RTN4: variants seen among roughly 807,000 people sequenced by gnomAD.
The protein encoded by RTN4 is reticulon 4, also known as reticulon-4.
A neutral mutation model predicts 90.4 loss-of-function variants in RTN4; 32 were observed. The ratio of observed to expected loss-of-function variants is 0.35; its 90% CI spans 0.27 to 0.48. RTN4 has a LOEUF of 0.48. Ranked by LOEUF, RTN4 falls within the 20% of genes least tolerant of loss-of-function variation. The probability of loss-of-function intolerance (pLI) is 0.99; values close to 1 mark genes in which losing one functional copy is unlikely to be tolerated. For synonymous variants in RTN4, 629 were observed against 552.5 expected (o/e 1.14, Z -1.94); for missense variants, 1,706 against 1,430.2 (o/e 1.19, Z -3.11).
intron 1 of RTN4, among the ~76,000 whole-genome samples, chr2:55,046,299 A>T (rs1283200641): frequency 6.6e-6 from 1 of 152,176 alleles, no homozygotes; most frequent in Non-Finnish European, 1.5e-5. Context: ...TTTTTTTAAA[A>T]AGCTAAACAT....
At chr2:55,125,498 G>A in the RTN4 span, among the ~76,000 whole-genome samples, 3 of 152,230 alleles carry the variant, frequency 2.0e-5, no homozygotes, top group African/African-American at 7.2e-5. Context: ...GGGTGCGGTG[G>A]CTCACGCCCA....
chr2:55,025,834 G>A lies in RTN4; in HGVS notation c.2265C>T (p.Asp755=), dbSNP rs199526754. The change falls in exon 3 of 9, where the codon GAC becomes GAT. Residue 755 remains aspartate (D), a synonymous_variant. Coordinates refer to ENST00000337526, the MANE Select transcript of RTN4 (RefSeq NM_020532.5). The part of the protein sequence containing the change: ...VDLFSDDSIP[D]VPQKQDETVM... ...CAGTTTCATCTTGTTTTTGTGGAAC[G>A]TCAGGTATTGAATCATCACTAAATA... 58 of 1,613,466 alleles carry A rather than the reference G, an allele frequency of 3.6e-5. No homozygotes were observed. The highest frequency in any genetic ancestry group is 2.0e-4 in the Admixed American group (12 of 59,904).
intron 1 of RTN4, among the ~76,000 whole-genome samples, chr2:55,040,227 T>C (rs1036286209): frequency 1.3e-5 from 2 of 152,208 alleles, no homozygotes; most frequent in African/African-American, 4.8e-5. Context: ...AAAATTTGGT[T>C]TTTATACAAA....
chr2:55,052,974 A>G (rs1558859145), upstream of RTN4, among the ~76,000 whole-genome samples: 1 of 152,220 alleles, frequency 6.6e-6, no homozygotes, highest in Non-Finnish European at 1.5e-5. Context: ...TACTACTAAA[A>G]TAGTCTCAAA....
intron 8 of RTN4, 63 bp from the exon 9 acceptor site, chr2:54,973,261 C>T: frequency 1.5e-6 from 2 of 1,294,094 alleles, no homozygotes; most frequent in South Asian, 2.5e-5. Context: ...ATACCATCTT[C>T]CAAGAACTAC....
In RTN4 at chr2:55,025,833, C is replaced by CCTG; in HGVS notation, c.2265_2266insCAG (p.Asp755_Val756insGln). 1.2e-6 allele frequency: 2 copies of CCTG among 1,613,606 alleles called. No individual in the cohort carries two copies. The highest frequency in any genetic ancestry group is 1.7e-6 in the Non-Finnish European group (2 of 1,179,798). On this transcript the variant is annotated inframe_insertion, in exon 3 of 9. Transcript: ENST00000337526. ...ACAGTTTCATCTTGTTTTTGTGGAA[C>CCTG]GTCAGGTATTGAATCATCACTAAAT...
At chr2:55,080,389 G>C (rs1247423551) in intron 2 of RTN4, 2 of 152,022 alleles carry the variant, frequency 1.3e-5, no homozygotes, top group African/African-American at 4.8e-5. Context: ...TAATTATCCG[G>C]GGTAGGTGGC....
chr2:55,059,238 A>G (rs1668245882), intron 2 of RTN4, among the ~76,000 whole-genome samples: 1 of 151,878 alleles, frequency 6.6e-6, no homozygotes, highest in Non-Finnish European at 1.5e-5. Flanking sequence ...ATTTGTTGGG[A>G]CTTTTTACTT....
At chr2:54,973,288 T>A in intron 8 of RTN4, 90 bp from the exon 9 acceptor site, 9 of 1,161,290 alleles carry the variant, frequency 7.8e-6, no homozygotes, top group Non-Finnish European at 1.1e-5. Context: ...GTTATTCAGC[T>A]AATACAATAA....
intron 4 of RTN4, among the ~76,000 whole-genome samples, chr2:54,984,411 C>T (rs1373271069): frequency 6.6e-6 from 1 of 152,184 alleles, no homozygotes; most frequent in East Asian, 1.9e-4. Flanking sequence ...GTTAAAAATA[C>T]TCAAATACTC....
intron 3 of RTN4, among the ~76,000 whole-genome samples, chr2:55,006,303 T>A (rs976813429): frequency 3.3e-5 from 5 of 152,116 alleles, no homozygotes; most frequent in Non-Finnish European, 7.4e-5. Context: ...TTTAACAAAG[T>A]TTAGAACTGA....
chr2:54,989,978 G>T (rs763247648), intron 3 of RTN4, among the ~76,000 whole-genome samples: 14 of 152,074 alleles, frequency 9.2e-5, no homozygotes, highest in Non-Finnish European at 1.6e-4. Flanking sequence ...TTCCTGTGAG[G>T]CTGCCTTTGT....
chr2:55,089,961 T>C (rs993451968), intron 1 of RTN4, among the ~76,000 whole-genome samples: 1 of 152,170 alleles, frequency 6.6e-6, no homozygotes, highest in African/African-American at 2.4e-5. Context: ...CCCAAGCAGC[T>C]GTCTGAATGT....
intron 3 of RTN4, among the ~76,000 whole-genome samples, chr2:54,995,102 T>C (rs1679313340): frequency 6.6e-6 from 1 of 152,044 alleles, no homozygotes; most frequent in African/African-American, 2.4e-5. Context: ...TAGCTGGGCA[T>C]GGTGGCCGGT....
At chr2:55,033,422 C>A (rs1682465753) in intron 1 of RTN4, among the ~76,000 whole-genome samples, 1 of 152,216 alleles carries the variant, frequency 6.6e-6, no homozygotes, top group Non-Finnish European at 1.5e-5. Flanking sequence ...AAAATCCATA[C>A]TTGCAGCACT....
intron 3 of RTN4, among the ~76,000 whole-genome samples, chr2:55,009,852 C>T (rs1362900760): frequency 6.6e-6 from 1 of 151,876 alleles, no homozygotes; most frequent in Non-Finnish European, 1.5e-5. Flanking sequence ...AGAACAGAAC[C>T]TAAACGGCAG....
At chr2:55,109,315 C>A (rs1667996044) in intron 1 of RTN4, among the ~76,000 whole-genome samples, 1 of 152,044 alleles carries the variant, frequency 6.6e-6, no homozygotes. Context: ...TTAATAGATG[C>A]AAAGTTAAAG....
At chr2:55,000,348 C>A (rs557650297) in intron 3 of RTN4, among the ~76,000 whole-genome samples, 2 of 152,044 alleles carry the variant, frequency 1.3e-5, no homozygotes, top group African/African-American at 4.8e-5. Context: ...TAAACAGATA[C>A]GTGCAAAATT....
chr2:55,027,299 T>C lies in RTN4; in HGVS notation c.800A>G (p.Glu267Gly). The change falls in exon 3 of 9, where the codon GAA (glutamate) becomes GGA (glycine). Residue 267 changes from glutamate to glycine, a missense_variant. Glu to Gly is a moderately conservative substitution (Grantham distance 98, BLOSUM62 -2). Transcript: ENST00000337526. ...TVLPTEGTLQ[E>G]NVSEASKEVS... is the part of the protein sequence containing the mutation. ...CTCTTTAGAAGCTTCACTGACATTT[T>C]CTTGAAGTGTTCCTTCAGTGGGTAA... The C allele has an allele frequency of 6.2e-7, 1 of 1,613,710 alleles. No homozygotes were observed. Among genetic ancestry groups the C allele is most frequent in the Non-Finnish European group, 8.5e-7 (1 of 1,179,738 alleles).
Sources: gnomAD v4.1 joint callset for allele counts (sites outside exome capture counted in the v4.1 genomes callset) on GRCh38, gnomAD v4.1.1 for gene constraint, MANE v1.5 for transcripts, NCBI Gene and HGNC (gene_info 2026-07-23, HGNC 2026-07-21) for gene names.